NRXN2: variants seen among roughly 807,000 people sequenced by gnomAD.
NRXN2 encodes neurexin 2.
In NRXN2, 29 loss-of-function variants were observed where a neutral mutation model predicts 128.8. That is an observed-to-expected ratio of 0.23 (90% CI 0.17 to 0.31). The LOEUF (loss-of-function observed/expected upper bound fraction) is 0.31, where lower values mean the gene tolerates loss of function less well. Among genes scored for constraint, NRXN2 ranks in the 10% least tolerant of loss-of-function variants. NRXN2 has a pLI of 1.00. For synonymous variants in NRXN2, 1,098 were observed against 1,075.2 expected (o/e 1.02, Z -0.41); for missense variants, 1,881 against 2,452.6 (o/e 0.77, Z 4.92).
rs573600133 is a variant in NRXN2, at chr11:64,686,461, C to T, written c.851-514G>A. Among the ~76,000 whole-genome samples, 35 of 152,260 alleles carry T rather than the reference C, an allele frequency of 2.3e-4. No homozygotes were observed. In the South Asian group the frequency reaches 7.3e-3, roughly 32 times the overall value. On this transcript the variant is annotated intron_variant, in intron 5 of 22. Coordinates refer to ENST00000265459, the MANE Select transcript of NRXN2 (RefSeq NM_015080.4). ...TGCCTGGAGACAGTTTCAGCCTCAC[C>T]ATATGGGATGGGACCAATAGGCCTG...
chr11:64,717,145 G>T (rs1365751572), intron 1 of NRXN2, among the ~76,000 whole-genome samples: 1 of 152,154 alleles, frequency 6.6e-6, no homozygotes, highest in Non-Finnish European at 1.5e-5. Context: ...GTGTCCCCTG[G>T]AGTTGTACAA....
chr11:64,673,872 T>C (rs2050946327), intron 7 of NRXN2, among the ~76,000 whole-genome samples: 1 of 152,002 alleles, frequency 6.6e-6, no homozygotes, highest in Admixed American at 6.6e-5. Flanking sequence ...ACCCTGTCTC[T>C]ACTAAAATAC....
chr11:64,650,775 G>A (rs2047352293), intron 14 of NRXN2, 137 bp from the exon 15 acceptor site: 6 of 771,942 alleles, frequency 7.8e-6, no homozygotes, highest in Admixed American at 2.2e-5. Flanking sequence ...AGAGGAGAGC[G>A]ACCAAAACCA....
At chr11:64,649,209 C>G (rs2047128565) in intron 15 of NRXN2, among the ~76,000 whole-genome samples, 3 of 152,220 alleles carry the variant, frequency 2.0e-5, no homozygotes, top group Admixed American at 6.5e-5. Flanking sequence ...GATTCCAGTT[C>G]CGGCCCGTAA....
Position 64,660,611 on chromosome 11 carries a change from T to G in NRXN2, c.2186-76A>C. 1.3e-6 allele frequency: 2 copies of G among 1,592,904 alleles called. No homozygotes were observed. The highest frequency in any genetic ancestry group is 2.2e-5 in the South Asian group (2 of 90,580). ...GGGAGGGAGAAGACCAGAGAATCAT[T>G]ACAAGGGCGAAAAGCCTAGGGCAGG... On this transcript the variant is annotated intron_variant, in intron 10 of 22. Transcript: ENST00000265459. The surrounding 1 kb of genome is among the most constrained non-coding windows in gnomAD (Gnocchi z 5.2).
chr11:64,637,919 G>A (rs1439958103), intron 17 of NRXN2, among the ~76,000 whole-genome samples: 2 of 152,192 alleles, frequency 1.3e-5, no homozygotes, highest in Non-Finnish European at 2.9e-5. Flanking sequence ...AGGCAGTGAG[G>A]CAGGAGGGAT....
chr11:64,706,672 C>A (rs1201329295), intron 2 of NRXN2, among the ~76,000 whole-genome samples: 2 of 152,160 alleles, frequency 1.3e-5, no homozygotes, highest in Non-Finnish European at 2.9e-5. Context: ...CCCCTTGGTG[C>A]CCTCTACAGA....
In NRXN2 at chr11:64,631,302, T is replaced by G. The variant is rs1268636404; in HGVS notation, c.3586-729A>C. On this transcript the variant is annotated intron_variant, in intron 18 of 22. Coordinates refer to ENST00000265459, the MANE Select transcript of NRXN2 (RefSeq NM_015080.4). This position sits in a 1 kb window ranked among gnomAD's most constrained non-coding sequence, Gnocchi z 4.8. The stretch of plus-strand genomic sequence containing the variant: ...ATCGTGGGGGTTTCGGGGTAGGGGG[T>G]GGAGCTAGGGGCTGGGGAAGGACAG... 9.5e-5 allele frequency among the ~76,000 whole-genome samples: 11 copies of G among 116,336 alleles called. No homozygotes were observed. The highest frequency in any genetic ancestry group is 2.7e-4 in the South Asian group (1 of 3,674). The allele number at this position is 116,336 out of a possible 152,430, so 76.3% of individuals were successfully genotyped here. A position where few individuals can be genotyped will look rare whatever the true frequency, so the allele number is the denominator to read the frequency against.
At chr11:64,703,183 A>C (rs1041146929) in intron 2 of NRXN2, among the ~76,000 whole-genome samples, 1 of 152,062 alleles carries the variant, frequency 6.6e-6, no homozygotes, top group Admixed American at 6.6e-5. Context: ...AAATATCCAA[A>C]AGTGAGGACA....
chr11:64,713,077 G>A lies in NRXN2; in HGVS notation c.623C>T (p.Pro208Leu). The A allele has an allele frequency of 7.7e-7, 1 of 1,299,188 alleles. No individual in the cohort carries two copies. The highest frequency in any genetic ancestry group is 4.2e-5 in the Admixed American group (1 of 23,838). 80.5% of individuals were successfully genotyped at this position (1,299,188 alleles called of 1,614,324 possible). ...RGATADPLCAPARNPCANGGL... is the reference protein window; with the variant it reads ...RGATADPLCALARNPCANGGL... ...GCCGTTGGCGCAGGGGTTGCGCGCG[G>A]GCGCGCACAGCGGGTCGGCGGTGGC... The change falls in exon 2 of 23, where the codon CCC (proline) becomes CTC (leucine). Residue 208 changes from proline (P) to leucine (L), a missense_variant. Around this residue, in one of 7 missense-constraint regions of NRXN2, gnomAD observed 997 missense variants for 1,240.8 expected, o/e 0.80. Transcript: ENST00000265459.
chr11:64,716,581 T>A (rs1722839147), intron 1 of NRXN2, among the ~76,000 whole-genome samples: 1 of 152,092 alleles, frequency 6.6e-6, no homozygotes, highest in Non-Finnish European at 1.5e-5. Flanking sequence ...CAGGCAGGCT[T>A]CTGTGAGCCG....
At chr11:64,645,030 C>T (rs1565277323) in intron 17 of NRXN2, among the ~76,000 whole-genome samples, 1 of 152,112 alleles carries the variant, frequency 6.6e-6, no homozygotes, top group African/African-American at 2.4e-5. Context: ...AGAAAGCGGT[C>T]CTCAGAGGCA....
chr11:64,687,316 G>T (rs562878037), intron 5 of NRXN2, among the ~76,000 whole-genome samples: 2 of 152,198 alleles, frequency 1.3e-5, no homozygotes, highest in African/African-American at 4.8e-5. Flanking sequence ...GTGGTGGCGG[G>T]GGGGGAGTTT....
chr11:64,630,322 GC>G lies in NRXN2; in HGVS notation c.3757+79del. The G allele has an allele frequency of 1.0e-6, 1 of 967,936 alleles. No individual in the cohort carries two copies. The allele number at this position is 967,936 out of a possible 1,614,324, so 60.0% of individuals were successfully genotyped here. ...CCCCGCCCCAGAGCCGCTTAGCCCCGCCCCGGTGCGGCCGCACTCCTATCAG... is the reference window on the plus strand; with the variant it reads ...CCCCGCCCCAGAGCCGCTTAGCCCCGCCCGGTGCGGCCGCACTCCTATCAG... On this transcript the variant is annotated intron_variant, in intron 19 of 22. Transcript: ENST00000265459. The surrounding 1 kb of genome is among the most constrained non-coding windows in gnomAD (Gnocchi z 4.6).
intron 1 of NRXN2, among the ~76,000 whole-genome samples, chr11:64,715,678 C>T (rs1363858525): frequency 6.6e-6 from 1 of 152,124 alleles, no homozygotes; most frequent in Non-Finnish European, 1.5e-5. Context: ...GACTGCTGCC[C>T]TCCCAATCCT....
Position 64,651,154 on chromosome 11 carries a change from G to A in NRXN2, c.2918+101C>T, listed in dbSNP as rs970471104. On this transcript the variant is annotated intron_variant, in intron 14 of 22. Coordinates refer to ENST00000265459, the MANE Select transcript of NRXN2 (RefSeq NM_015080.4). The surrounding 1 kb of genome is among the most constrained non-coding windows in gnomAD (Gnocchi z 5.9). ...GACCTGAATCTTGACTTGTGATCTG[G>A]GGGGATTGGACACCTCGGCCAGTAG... 2 of 1,503,384 alleles carry A rather than the reference G, an allele frequency of 1.3e-6. No individual in the cohort carries two copies. The highest frequency in any genetic ancestry group is 2.7e-5 in the African/African-American group (2 of 73,002). 93.1% of individuals were successfully genotyped at this position (1,503,384 alleles called of 1,614,324 possible). A position where few individuals can be genotyped will look rare whatever the true frequency, so the allele number is the denominator to read the frequency against.
intron 12 of NRXN2, 34 bp from the exon 13 acceptor site, chr11:64,652,188 T>C: frequency 6.3e-7 from 1 of 1,597,954 alleles, no homozygotes; most frequent in Non-Finnish European, 8.5e-7. Flanking sequence ...GGAGGGCACC[T>C]ATACATGCTC....
At chr11:64,634,738 G>A (rs572105160) in intron 18 of NRXN2, among the ~76,000 whole-genome samples, 1 of 152,152 alleles carries the variant, frequency 6.6e-6, no homozygotes, top group East Asian at 1.9e-4. Context: ...GGAGGGCAAA[G>A]GTCACGGAAG....
intron 1 of NRXN2, among the ~76,000 whole-genome samples, chr11:64,716,994 C>G (rs1389493103): frequency 6.6e-6 from 1 of 152,122 alleles, no homozygotes; most frequent in Non-Finnish European, 1.5e-5. Context: ...CCAACCCACC[C>G]TTCTCCCAGA....
Sources: gnomAD v4.1 joint callset for allele counts (sites outside exome capture counted in the v4.1 genomes callset) on GRCh38, gnomAD v4.1.1 for gene constraint, gnomAD v4.1.1 regional missense constraint, Gnocchi (gnomAD v3.1) non-coding constraint, MANE v1.5 for transcripts, NCBI Gene and HGNC (gene_info 2026-07-23, HGNC 2026-07-21) for gene names.